The following CNTNAP2 variants were observed in gnomAD, a reference collection of about 807,000 sequenced individuals.
CNTNAP2 encodes the protein contactin-associated protein-like 2.
CNTNAP2 carries 98 observed loss-of-function variants against 155.2 expected under a neutral mutation model. The ratio of observed to expected loss-of-function variants is 0.63; its 90% confidence interval spans 0.54 to 0.75. CNTNAP2 has a LOEUF of 0.75. Ranked by LOEUF, CNTNAP2 falls within the 30% of genes least tolerant of loss-of-function variation. The pLI, the probability that CNTNAP2 is intolerant of heterozygous loss-of-function variation, is 0.00. For missense variants in CNTNAP2, 1,727 were observed against 1,688.1 expected (o/e 1.02, Z -0.40); for synonymous variants, 651 against 631.2 (o/e 1.03, Z -0.47).
At chr7:146,154,113 A>T (rs950447648) in intron 1 of CNTNAP2, among the ~76,000 whole-genome samples, 1 of 152,172 alleles carries the variant, frequency 6.6e-6, no homozygotes, top group African/African-American at 2.4e-5. Flanking sequence ...TGTGATTGAA[A>T]AAAAAGAGCT....
chr7:147,281,167 A>G (rs1805025374), intron 8 of CNTNAP2, among the ~76,000 whole-genome samples: 1 of 151,924 alleles, frequency 6.6e-6, no homozygotes, highest in African/African-American at 2.4e-5. Flanking sequence ...GTAACTTTAA[A>G]GAAGGCTATA....
chr7:146,476,677 G>GGA (rs1796881478), intron 1 of CNTNAP2, among the ~76,000 whole-genome samples: 1 of 152,112 alleles, frequency 6.6e-6, no homozygotes, highest in Admixed American at 6.6e-5. Flanking sequence ...AATTGGTTAA[G>GGA]ATTAAATTGA....
intron 16 of CNTNAP2, among the ~76,000 whole-genome samples, chr7:148,131,550 G>A (rs1563209546): frequency 6.6e-6 from 1 of 152,148 alleles, no homozygotes; most frequent in Non-Finnish European, 1.5e-5. Flanking sequence ...AGAAATCAAA[G>A]AAGTTTGAAT....
At chr7:147,071,302 CAGG>C (rs1799886565) in intron 4 of CNTNAP2, among the ~76,000 whole-genome samples, 1 of 145,708 alleles carries the variant, frequency 6.9e-6, no homozygotes, top group Non-Finnish European at 1.5e-5. Flanking sequence ...ATTCAGCTAA[CAGG>C]TATAAAGCAG....
intron 9 of CNTNAP2, among the ~76,000 whole-genome samples, chr7:147,302,995 T>C (rs61027270): frequency 5.3e-4 from 81 of 152,348 alleles, no homozygotes; most frequent in African/African-American, 1.8e-3. Flanking sequence ...CGACGCTGAA[T>C]GGTGGGATTC....
intron 1 of CNTNAP2, among the ~76,000 whole-genome samples, chr7:146,671,191 A>T (rs184123019): frequency 6.6e-6 from 1 of 152,302 alleles, no homozygotes; most frequent in Non-Finnish European, 1.5e-5. Flanking sequence ...CTCTTTCTCT[A>T]GACAGTGAAG....
chr7:146,745,764 GAAAA>G (rs112857634), intron 1 of CNTNAP2, among the ~76,000 whole-genome samples: 11 of 96,920 alleles, frequency 1.1e-4, no homozygotes, highest in Non-Finnish European at 2.5e-4. Context: ...GACTCCATCT[GAAAA>G]AAAAAAAAAA....
At chr7:146,665,074 G>A (rs1248476546) in intron 1 of CNTNAP2, among the ~76,000 whole-genome samples, 2 of 151,998 alleles carry the variant, frequency 1.3e-5, no homozygotes, top group African/African-American at 2.4e-5. Context: ...TTAGCCTTCC[G>A]AGTAGCTGGG....
intron 3 of CNTNAP2, among the ~76,000 whole-genome samples, chr7:146,976,824 T>G (rs536153416): frequency 4.6e-5 from 7 of 152,334 alleles, no homozygotes; most frequent in Non-Finnish European, 5.9e-5. Flanking sequence ...CTGTTCTGTC[T>G]GCTCTGTCGA....
intron 16 of CNTNAP2, among the ~76,000 whole-genome samples, chr7:148,123,969 A>G (rs1442121713): frequency 6.6e-6 from 1 of 152,220 alleles, no homozygotes; most frequent in East Asian, 1.9e-4. Context: ...CACTAGGGTG[A>G]GTGGAAGTGG....
chr7:147,255,771 T>G (rs1804310174), intron 8 of CNTNAP2, among the ~76,000 whole-genome samples: 2 of 152,128 alleles, frequency 1.3e-5, no homozygotes, highest in South Asian at 4.1e-4. Context: ...TATTGAGCCT[T>G]CGTCACCCAG....
At chr7:148,179,303 G>A (rs1218092503) in intron 18 of CNTNAP2, among the ~76,000 whole-genome samples, 1 of 152,146 alleles carries the variant, frequency 6.6e-6, no homozygotes, top group Non-Finnish European at 1.5e-5. Flanking sequence ...GAGCCCAGGA[G>A]TTCAAGACCA....
chr7:148,373,047 G>A (rs1293054358), intron 21 of CNTNAP2, among the ~76,000 whole-genome samples: 1 of 152,058 alleles, frequency 6.6e-6, no homozygotes, highest in East Asian at 1.9e-4. Flanking sequence ...AGGTCTTCAG[G>A]GGCAGTGACA....
chr7:147,258,197 TG>T (rs1225810246), intron 8 of CNTNAP2, among the ~76,000 whole-genome samples: 1 of 146,912 alleles, frequency 6.8e-6, no homozygotes, highest in African/African-American at 2.5e-5. Flanking sequence ...TAAGTGAATT[TG>T]TTTTTTTATT....
chr7:148,249,628 A>G (rs1008576724), intron 20 of CNTNAP2, among the ~76,000 whole-genome samples: 1 of 151,844 alleles, frequency 6.6e-6, no homozygotes, highest in African/African-American at 2.4e-5. Flanking sequence ...TCCAAATCTG[A>G]CCTCCTGATC....
intron 1 of CNTNAP2, among the ~76,000 whole-genome samples, chr7:146,266,427 G>A (rs1451092251): frequency 6.6e-6 from 1 of 152,108 alleles, no homozygotes; most frequent in Non-Finnish European, 1.5e-5. Context: ...GTTAGCTTCT[G>A]TTGCCTTCAA....
At chr7:147,291,815 C>T (rs756111447) in intron 8 of CNTNAP2, among the ~76,000 whole-genome samples, 1 of 151,946 alleles carries the variant, frequency 6.6e-6, no homozygotes, top group South Asian at 2.1e-4. Context: ...TTTTGGCCAC[C>T]GAAATGGGTA....
chr7:147,801,959 A>C (rs1467444645), intron 13 of CNTNAP2, among the ~76,000 whole-genome samples: 252 of 126,454 alleles, frequency 2.0e-3, no homozygotes, highest in African/African-American at 6.8e-3. Flanking sequence ...GGGGGCTGAC[A>C]CCCCCACCTC....
At chr7:147,256,095 T>C (rs541320089) in intron 8 of CNTNAP2, among the ~76,000 whole-genome samples, 1 of 152,192 alleles carries the variant, frequency 6.6e-6, no homozygotes. Context: ...ACTAAGACGA[T>C]ATACTTAGTG....
Sources: allele counts gnomAD v4.1 joint callset (sites outside exome capture counted in the v4.1 genomes callset), GRCh38; gene constraint gnomAD v4.1.1; transcripts MANE v1.5; gene names NCBI Gene and HGNC (gene_info 2026-07-23, HGNC 2026-07-21).